The following HSD17B12 variants were observed in gnomAD, a reference collection of about 807,000 sequenced individuals.
The protein encoded by HSD17B12 is hydroxysteroid 17-beta dehydrogenase 12.
In HSD17B12, 32 loss-of-function variants were observed where a neutral mutation model predicts 39.3. The ratio of observed to expected loss-of-function variants is 0.81; its 90% confidence interval spans 0.61 to 1.09. The LOEUF (loss-of-function observed/expected upper bound fraction) is 1.09, where lower values mean the gene tolerates loss of function less well. HSD17B12 is among the 50% of genes least tolerant of loss of function. The pLI is 0.00. For missense variants in HSD17B12, 342 were observed against 382.9 expected, an observed-to-expected ratio of 0.89 and a Z score of 0.89; for synonymous variants, 150 against 146.7, an observed-to-expected ratio of 1.02 and a Z score of -0.16.
the HSD17B12 span, among the ~76,000 whole-genome samples, chr11:43,641,741 C>T: frequency 4.6e-5 from 7 of 151,890 alleles, no homozygotes; most frequent in Non-Finnish European, 5.9e-5. Context: ...ATTTGCAACT[C>T]ATTCTATTTT....
At chr11:43,680,145 G>T (rs1290069382), upstream of HSD17B12, among the ~76,000 whole-genome samples, 1 of 134,220 alleles carries the variant, frequency 7.5e-6, no homozygotes, top group African/African-American at 2.7e-5. Context: ...GCGCGATCTC[G>T]GCTCACTGCA....
chr11:43,763,538 A>T (rs1262837339), intron 3 of HSD17B12, among the ~76,000 whole-genome samples: 1 of 150,848 alleles, frequency 6.6e-6, no homozygotes, highest in East Asian at 1.9e-4. Flanking sequence ...GGTTCCAGAC[A>T]GTTTAATTCA....
intron 4 of HSD17B12, among the ~76,000 whole-genome samples, chr11:43,804,398 C>T (rs373733389): frequency 6.6e-6 from 1 of 152,168 alleles, no homozygotes; most frequent in Non-Finnish European, 1.5e-5. Flanking sequence ...TTTCCATACG[C>T]ATTGCTAATA....
chr11:43,802,687 G>A (rs750671008), intron 4 of HSD17B12, among the ~76,000 whole-genome samples: 1 of 152,166 alleles, frequency 6.6e-6, no homozygotes, highest in African/African-American at 2.4e-5. Flanking sequence ...CTTGGCTAGG[G>A]GAGGGTAGTT....
chr11:43,670,070 G>A, the HSD17B12 span, among the ~76,000 whole-genome samples: 1 of 152,190 alleles, frequency 6.6e-6, no homozygotes, highest in Non-Finnish European at 1.5e-5. Context: ...GAAGCTTCAG[G>A]AAATTCCACT....
intron 1 of HSD17B12, among the ~76,000 whole-genome samples, chr11:43,696,846 A>G (rs1305728421): frequency 1.3e-5 from 2 of 152,182 alleles, no homozygotes; most frequent in Non-Finnish European, 2.9e-5. Flanking sequence ...AAGGAATGAG[A>G]TCATGTCCTT....
chr11:43,725,195 G>T (rs1443578373), intron 1 of HSD17B12, among the ~76,000 whole-genome samples: 1 of 152,170 alleles, frequency 6.6e-6, no homozygotes, highest in Non-Finnish European at 1.5e-5. Context: ...TATAGTTTGT[G>T]CCAGTCATTT....
intron 3 of HSD17B12, among the ~76,000 whole-genome samples, chr11:43,776,702 A>T (rs1214536825): frequency 6.6e-6 from 1 of 152,172 alleles, no homozygotes; most frequent in Non-Finnish European, 1.5e-5. Context: ...CTGAACGGTA[A>T]TGCCTAGGTT....
chr11:43,793,181 G>A (rs1300402019), intron 3 of HSD17B12, among the ~76,000 whole-genome samples: 1 of 152,108 alleles, frequency 6.6e-6, no homozygotes, highest in East Asian at 1.9e-4. Flanking sequence ...TAGGAATAGT[G>A]AAAAATATGT....
At chr11:43,661,683 A>G in the HSD17B12 span, among the ~76,000 whole-genome samples, 1 of 152,180 alleles carries the variant, frequency 6.6e-6, no homozygotes, top group Non-Finnish European at 1.5e-5. Flanking sequence ...AGAGATGTGT[A>G]TAAAACTTAC....
At chr11:43,664,479 C>T in the HSD17B12 span, among the ~76,000 whole-genome samples, 7 of 152,148 alleles carry the variant, frequency 4.6e-5, no homozygotes, top group Non-Finnish European at 1.5e-5. Flanking sequence ...ATGTGCCAGC[C>T]GATCCATTTG....
intron 10 of HSD17B12, 26 bp downstream of exon 10, chr11:43,854,890 T>G (rs1376158886): frequency 6.2e-7 from 1 of 1,610,246 alleles, no homozygotes; most frequent in Non-Finnish European, 8.5e-7. Context: ...GAATCACAAA[T>G]CAATACTTTC....
intron 1 of HSD17B12, among the ~76,000 whole-genome samples, chr11:43,711,698 C>T (rs1224072800): frequency 6.6e-6 from 1 of 151,932 alleles, no homozygotes; most frequent in East Asian, 1.9e-4. Flanking sequence ...TGGTCTCAAA[C>T]TCCTGGGCCC....
rs184700545 is a variant in HSD17B12 at position 43,731,272 on chromosome 11, C to T, written c.161-19639C>T. Among the ~76,000 whole-genome samples, 278 of 152,324 alleles carry T rather than the reference C, an allele frequency of 1.8e-3. 2 individuals are homozygous for T. Among genetic ancestry groups the T allele is most frequent in the African/African-American group, 6.4e-3 (265 of 41,578 alleles). On this transcript the variant is annotated intron_variant, in intron 1 of 10. Transcript: ENST00000278353. ...TCGGCCTCCCAAAGTGCTGGGATTA[C>T]AGGCGTGAGCCACTGCGCCCAGCCT...
At chr11:43,648,296 TTAA>T in the HSD17B12 span, among the ~76,000 whole-genome samples, 4 of 152,132 alleles carry the variant, frequency 2.6e-5, no homozygotes, top group Non-Finnish European at 5.9e-5. Flanking sequence ...TAACATGATT[TTAA>T]TAAGTCATTC....
intron 3 of HSD17B12, among the ~76,000 whole-genome samples, chr11:43,757,665 A>C (rs1202854755): frequency 1.4e-5 from 2 of 144,344 alleles, no homozygotes; most frequent in African/African-American, 2.6e-5. Flanking sequence ...AAAAAAAAAA[A>C]AACAAATAGG....
intron 6 of HSD17B12, among the ~76,000 whole-genome samples, chr11:43,823,052 CT>C: frequency 6.6e-6 from 1 of 151,776 alleles, no homozygotes; most frequent in Middle Eastern, 3.4e-3. Context: ...TAATTTTTTA[CT>C]TTTTTTGGGG....
the HSD17B12 span, among the ~76,000 whole-genome samples, chr11:43,604,245 G>A: frequency 4.6e-5 from 7 of 151,794 alleles, no homozygotes; most frequent in South Asian, 2.1e-4. Context: ...AGAATTTATC[G>A]TATATAACTA....
intron 4 of HSD17B12, among the ~76,000 whole-genome samples, chr11:43,814,036 C>T (rs1032066674): frequency 3.9e-5 from 6 of 152,084 alleles, no homozygotes; most frequent in African/African-American, 1.2e-4. Context: ...TGGCATAATT[C>T]CTTATAAGCT....
Sources: gnomAD v4.1 joint callset for allele counts (sites outside exome capture counted in the v4.1 genomes callset) on GRCh38, gnomAD v4.1.1 for gene constraint, MANE v1.5 for transcripts, NCBI Gene and HGNC (gene_info 2026-07-23, HGNC 2026-07-21) for gene names.